RANBP3: variants seen among roughly 807,000 people sequenced by gnomAD.
RANBP3 encodes ran-binding protein 3.
In RANBP3, 14 loss-of-function variants were observed where a neutral mutation model predicts 77.3. The ratio of observed to expected loss-of-function variants is 0.18; its 90% CI spans 0.12 to 0.28. RANBP3 has a LOEUF of 0.28. RANBP3 is among the 10% of genes least tolerant of loss of function. The pLI, the probability that RANBP3 is intolerant of heterozygous loss-of-function variation, is 1.00. For synonymous variants in RANBP3, 315 were observed against 312.4 expected (o/e 1.01, Z -0.09); for missense variants, 586 against 752.3 (o/e 0.78, Z 2.59).
chr19:5,924,004 C>T lies in RANBP3; in HGVS notation c.997-90G>A, dbSNP rs2097823. The T allele has an allele frequency of 4.0e-6, 4 of 990,942 alleles. No individual in the cohort carries two copies. Among genetic ancestry groups the T allele is most frequent in the African/African-American group, 3.2e-5 (2 of 62,602 alleles). The allele number at this position is 990,942 out of a possible 1,614,324, so 61.4% of individuals were successfully genotyped here. ...GCACCTCTCTGCCTGGCCCCCAACACTACGCTGCCCCCAGCACTCCTGCCC... is the reference window on the plus strand; with the variant it reads ...GCACCTCTCTGCCTGGCCCCCAACATTACGCTGCCCCCAGCACTCCTGCCC... On this transcript the variant is annotated intron_variant, in intron 11 of 16. Coordinates refer to ENST00000340578, the MANE Select transcript of RANBP3 (RefSeq NM_007322.3). This position sits in a 1 kb window ranked among gnomAD's most constrained non-coding sequence, Gnocchi z 4.7.
At chr19:5,974,582 G>T (rs956210877) in intron 1 of RANBP3, among the ~76,000 whole-genome samples, 2 of 152,114 alleles carry the variant, frequency 1.3e-5, no homozygotes, top group Admixed American at 6.5e-5. Flanking sequence ...CAGACCACAG[G>T]AAGGGCTGTG....
In RANBP3 at chr19:5,943,583, C is replaced by T. The variant is rs145624588; in HGVS notation, c.283-1748G>A. On this transcript the variant is annotated intron_variant, in intron 3 of 16. Coordinates refer to ENST00000340578, the MANE Select transcript of RANBP3 (RefSeq NM_007322.3). ...GAAGTTGACTTGAAGTCACATAGCT[C>T]GTTCACGACGGTCAGAAAAAAAGCT... Among the ~76,000 whole-genome samples the T allele has an allele frequency of 4.5e-3, 688 of 152,314 alleles. 3 individuals carry two copies. Among genetic ancestry groups the T allele is most frequent in the African/African-American group, 0.016 (658 of 41,566 alleles).
At chr19:5,927,084 A>C (rs1330986982) in intron 9 of RANBP3, among the ~76,000 whole-genome samples, 1 of 152,080 alleles carries the variant, frequency 6.6e-6, no homozygotes, top group Non-Finnish European at 1.5e-5. Context: ...AAGTCTCTAG[A>C]CACAGCCACC....
At chr19:5,923,522 A>C (rs2057855652) in intron 12 of RANBP3, among the ~76,000 whole-genome samples, 1 of 150,910 alleles carries the variant, frequency 6.6e-6, no homozygotes, top group African/African-American at 2.4e-5. Context: ...GTGGCCCCAG[A>C]CTCTCGTGTT....
chr19:5,930,557 C>T (rs1467664600), intron 8 of RANBP3, among the ~76,000 whole-genome samples: 1 of 152,148 alleles, frequency 6.6e-6, no homozygotes, highest in African/African-American at 2.4e-5. Context: ...CAAACCATAC[C>T]CCCGCTTAAA....
intron 8 of RANBP3, chr19:5,928,322 A>G (rs2057940443): frequency 2.7e-6 from 1 of 369,602 alleles, no homozygotes; most frequent in Non-Finnish European, 4.8e-6. Context: ...ACCTGTCTCC[A>G]AACAACAAGA....
intron 1 of RANBP3, chr19:5,962,818 C>T: frequency 2.2e-6 from 1 of 451,980 alleles, no homozygotes; most frequent in South Asian, 1.6e-5. Context: ...ACACAAGCCC[C>T]ATTCCAGGCA....
intron 1 of RANBP3, among the ~76,000 whole-genome samples, 170 bp downstream of exon 1, chr19:5,977,891 C>G (rs1327423815): frequency 2.0e-5 from 3 of 152,158 alleles, no homozygotes; most frequent in African/African-American, 7.2e-5. Flanking sequence ...GCCGGTGAGC[C>G]CGGCCTGAGG....
chr19:5,922,057 C>T (rs1249181491), intron 13 of RANBP3, among the ~76,000 whole-genome samples: 6 of 152,168 alleles, frequency 3.9e-5, no homozygotes, highest in Admixed American at 3.9e-4. Flanking sequence ...GGAGGAGTTA[C>T]TGCGAATGGA....
intron 13 of RANBP3, among the ~76,000 whole-genome samples, chr19:5,922,377 C>T (rs553809867): frequency 1.1e-4 from 16 of 152,298 alleles, no homozygotes; most frequent in South Asian, 1.0e-3. Flanking sequence ...AAGAACGCCA[C>T]GATACGCCAC....
intron 1 of RANBP3, among the ~76,000 whole-genome samples, chr19:5,969,149 C>A (rs144093440): frequency 2.0e-5 from 3 of 152,298 alleles, no homozygotes; most frequent in African/African-American, 7.2e-5. Flanking sequence ...GCCCACAGGA[C>A]GTTCAGCCTT....
chr19:5,968,081 C>G (rs1481921179), intron 1 of RANBP3, among the ~76,000 whole-genome samples: 1 of 152,168 alleles, frequency 6.6e-6, no homozygotes, highest in Non-Finnish European at 1.5e-5. Flanking sequence ...CCAGCTTTAA[C>G]GGCACTTTTC....
At position 5,921,813 on chromosome 19, in the gene RANBP3, C is replaced by G. The variant is rs925872139; in HGVS notation, c.1210-492G>C. 6.6e-6 allele frequency among the ~76,000 whole-genome samples: 1 copy of G among 152,252 alleles called. No individual in the cohort carries two copies. The highest frequency in any genetic ancestry group is 1.5e-5 in the Non-Finnish European group (1 of 68,042). On this transcript the variant is annotated intron_variant, in intron 13 of 16. Transcript: ENST00000340578. The surrounding 1 kb of genome is among the most constrained non-coding windows in gnomAD (Gnocchi z 5.3). ...GCACCATCATTCACGGTAGCCAAGT[C>G]TCAAGGAGGAATGGAGTGACACACA... is the stretch of plus-strand genomic sequence containing the variant.
chr19:5,972,309 T>C (rs1205437425), intron 1 of RANBP3, among the ~76,000 whole-genome samples: 1 of 152,200 alleles, frequency 6.6e-6, no homozygotes. Flanking sequence ...GATCCATAGC[T>C]AGTGCTGTGT....
intron 3 of RANBP3, among the ~76,000 whole-genome samples, chr19:5,946,078 C>G (rs2058200557): frequency 6.6e-6 from 1 of 152,152 alleles, no homozygotes; most frequent in South Asian, 2.1e-4. Context: ...CTGAGTGTTG[C>G]TCCTCCGTGG....
At chr19:5,942,588 C>A (rs2058151832) in intron 3 of RANBP3, among the ~76,000 whole-genome samples, 1 of 151,632 alleles carries the variant, frequency 6.6e-6, no homozygotes, top group East Asian at 1.9e-4. Flanking sequence ...CGCCTGTAAT[C>A]TCAGCTACAG....
chr19:5,935,841 T>C (rs1356101287), intron 5 of RANBP3: 2 of 456,488 alleles, frequency 4.4e-6, no homozygotes, highest in Admixed American at 4.7e-5. Flanking sequence ...AATTTTCTTC[T>C]GCAACACAGG....
chr19:5,944,412 G>A (rs1166939797), intron 3 of RANBP3, among the ~76,000 whole-genome samples: 2 of 152,178 alleles, frequency 1.3e-5, no homozygotes, highest in East Asian at 1.9e-4. Flanking sequence ...TCCAGCTATC[G>A]CTTGCCCTCA....
chr19:5,969,676 C>A (rs73923406), intron 1 of RANBP3, among the ~76,000 whole-genome samples: 2,814 of 152,346 alleles, frequency 0.018, 85 homozygotes, highest in African/African-American at 0.065. Flanking sequence ...TGGCTGGAGA[C>A]AGGCGCACTG....
Sources: gnomAD v4.1 joint callset for allele counts (sites outside exome capture counted in the v4.1 genomes callset) on GRCh38, gnomAD v4.1.1 for gene constraint, Gnocchi (gnomAD v3.1) non-coding constraint, MANE v1.5 for transcripts, NCBI Gene and HGNC (gene_info 2026-07-23, HGNC 2026-07-21) for gene names.